Variants in TMPRSS5 observed in about 807,000 individuals in gnomAD.
TMPRSS5 encodes the protein transmembrane serine protease 5.
Under a neutral mutation model 59.7 loss-of-function variants are expected in TMPRSS5, and 45 were observed. That is an observed-to-expected ratio of 0.75 (90% CI 0.59 to 0.97). TMPRSS5 has a LOEUF of 0.97. Among genes scored for constraint, TMPRSS5 ranks in the 50% least tolerant of loss-of-function variants. The probability of loss-of-function intolerance (pLI) is 0.00; values close to 1 mark genes in which losing one functional copy is unlikely to be tolerated. For missense variants in TMPRSS5, 585 were observed against 596.7 expected (o/e 0.98, Z 0.20); for synonymous variants, 225 against 232.0 (o/e 0.97, Z 0.27).
chr11:113,689,936 GA>G lies in TMPRSS5; in HGVS notation c.1207-20del, dbSNP rs768466928. ...TATCTCCCTAAGGGATCCAGGCATGGAGACACAGAGAAACAGCCAGTTAGTT... is the reference window on the plus strand; with the variant it reads ...TATCTCCCTAAGGGATCCAGGCATGGGACACAGAGAAACAGCCAGTTAGTT... On this transcript the variant is annotated intron_variant, in intron 11 of 12. Coordinates refer to ENST00000299882, the MANE Select transcript of TMPRSS5 (RefSeq NM_030770.4). The G allele has an allele frequency of 6.6e-7, 1 of 1,524,718 alleles. No homozygotes were observed. The highest frequency in any genetic ancestry group is 8.8e-7 in the Non-Finnish European group (1 of 1,131,780). 94.4% of individuals were successfully genotyped at this position (1,524,718 alleles called of 1,614,324 possible).
At chr11:113,703,639 C>T (rs1279584827) in intron 1 of TMPRSS5, among the ~76,000 whole-genome samples, 2 of 152,184 alleles carry the variant, frequency 1.3e-5, no homozygotes, top group Admixed American at 1.3e-4. Flanking sequence ...TTGTAATTAC[C>T]ACGCACTGGG....
At chr11:113,688,306 G>A (rs1287892966) in intron 12 of TMPRSS5, 32 bp from the exon 13 acceptor site, 2 of 1,489,164 alleles carry the variant, frequency 1.3e-6, no homozygotes, top group Non-Finnish European at 9.2e-7. Flanking sequence ...CTGATTCACA[G>A]CATGGCTCTA....
intron 1 of TMPRSS5, among the ~76,000 whole-genome samples, chr11:113,703,037 G>A (rs552835173): frequency 2.0e-3 from 310 of 152,342 alleles, no homozygotes; most frequent in African/African-American, 7.1e-3. Flanking sequence ...GCCTAGTGGA[G>A]CTGTGAAAAG....
intron 6 of TMPRSS5, among the ~76,000 whole-genome samples, chr11:113,695,879 C>T (rs994445902): frequency 6.6e-6 from 1 of 152,152 alleles, no homozygotes; most frequent in African/African-American, 2.4e-5. Flanking sequence ...CCACCCTGGT[C>T]CCTCTGCCTG....
intron 2 of TMPRSS5, 24 bp downstream of exon 2, chr11:113,700,041 TC>T (rs536187909): frequency 6.4e-7 from 1 of 1,553,814 alleles, no homozygotes; most frequent in Non-Finnish European, 8.7e-7. Context: ...ACCCTGTCAT[TC>T]CCCTATGGCC....
chr11:113,690,180 T>TCCCC, intron 11 of TMPRSS5, 51 bp downstream of exon 11: 1 of 187,988 alleles, frequency 5.3e-6, no homozygotes, highest in Non-Finnish European at 8.9e-6. Flanking sequence ...CCCCCTGCCC[T>TCCCC]CCCACCCCCA....
chr11:113,703,265 G>C (rs747861304), intron 1 of TMPRSS5, among the ~76,000 whole-genome samples: 4 of 152,240 alleles, frequency 2.6e-5, no homozygotes, highest in Non-Finnish European at 5.9e-5. Flanking sequence ...GAACTTTAAG[G>C]TTTAACGACT....
At chr11:113,692,174 C>T (rs11214705) in intron 9 of TMPRSS5, among the ~76,000 whole-genome samples, 5 of 151,984 alleles carry the variant, frequency 3.3e-5, no homozygotes, top group Non-Finnish European at 5.9e-5. Context: ...AGGCGTGAGC[C>T]GCCATGCCCA....
intron 9 of TMPRSS5, among the ~76,000 whole-genome samples, chr11:113,691,793 C>T (rs969795184): frequency 6.7e-6 from 1 of 150,332 alleles, no homozygotes; most frequent in Admixed American, 6.6e-5. Context: ...ACAGTAGATA[C>T]TCATGTAGTA....
chr11:113,697,202 C>T (rs951046517), intron 5 of TMPRSS5, 81 bp downstream of exon 5: 14 of 1,529,198 alleles, frequency 9.2e-6, no homozygotes, highest in African/African-American at 6.9e-5. Context: ...TGACCAGTGA[C>T]GGGCAGGTAG....
intron 4 of TMPRSS5, 60 bp downstream of exon 4, chr11:113,698,845 C>G: frequency 2.6e-6 from 4 of 1,551,922 alleles, no homozygotes; most frequent in Non-Finnish European, 3.5e-6. Flanking sequence ...TTCTCTTGCC[C>G]TCAGCTGTGA....
At chr11:113,693,018 C>CCCCCACAAAA in intron 9 of TMPRSS5, 53 bp downstream of exon 9, 4 of 1,394,738 alleles carry the variant, frequency 2.9e-6, no homozygotes, top group East Asian at 2.6e-5. Flanking sequence ...ACCCAGCCCC[C>CCCCCACAAAA]GCCCTCTCTC....
intron 2 of TMPRSS5, 151 bp downstream of exon 2, chr11:113,699,914 TG>T: frequency 2.0e-6 from 3 of 1,513,994 alleles, no homozygotes; most frequent in Non-Finnish European, 2.7e-6. Flanking sequence ...AAGTGGGAAA[TG>T]GGGAGCAGAA....
intron 7 of TMPRSS5, 136 bp downstream of exon 7, chr11:113,695,264 G>A (rs934017060): frequency 1.2e-6 from 1 of 865,698 alleles, no homozygotes; most frequent in African/African-American, 1.7e-5. Context: ...AAGGGGCCTG[G>A]CAGGCAGATG....
At chr11:113,693,471 G>C in intron 8 of TMPRSS5, 1 of 441,258 alleles carries the variant, frequency 2.3e-6, no homozygotes, top group South Asian at 5.0e-5. Flanking sequence ...CAGGACTGAT[G>C]GATAGAGAAG....
At position 113,700,070 on chromosome 11, in the gene TMPRSS5, A is replaced by T; in HGVS notation, c.102T>A (p.His34Gln). The change falls in exon 2 of 13, where the codon CAT becomes CAA. Residue 34 changes from histidine (H) to glutamine (Q), a missense_variant. By Grantham distance (24) the His-to-Gln change is conservative (BLOSUM62 0). Coordinates refer to ENST00000299882, the MANE Select transcript of TMPRSS5 (RefSeq NM_030770.4). ...CTATGGCCCAGTCTGGCCTACTGGG[A>T]TGCTGCTGGTCTCCAGGCTCTGCTC... ...IFRAEPGDQQ[H>Q]PISQAVCWRS... is the part of the protein sequence containing the mutation. The T allele has an allele frequency of 6.4e-7, 1 of 1,564,048 alleles. No homozygotes were observed. Among genetic ancestry groups the T allele is most frequent in the South Asian group, 1.2e-5 (1 of 84,266 alleles).
intron 1 of TMPRSS5, among the ~76,000 whole-genome samples, chr11:113,703,651 G>A: frequency 6.6e-6 from 1 of 152,224 alleles, no homozygotes; most frequent in Non-Finnish European, 1.5e-5. Context: ...CGCACTGGGG[G>A]AGGGACCTCA....
At chr11:113,692,538 C>T (rs1445193520) in intron 9 of TMPRSS5, among the ~76,000 whole-genome samples, 3 of 152,076 alleles carry the variant, frequency 2.0e-5, no homozygotes, top group Admixed American at 6.6e-5. Context: ...CCTGGGCTCA[C>T]GGGCAGGTGC....
Position 113,699,207 on chromosome 11 carries a change from GTCTGTCTCTCTC to G in TMPRSS5, c.206-192_206-181del, listed in dbSNP as rs1565263283. Among the ~76,000 whole-genome samples the G allele has an allele frequency of 8.8e-3, 410 of 46,354 alleles. 62 individuals carry two copies. Among genetic ancestry groups the G allele is most frequent in the Admixed American group, 0.016 (76 of 4,636 alleles). The allele number at this position is 46,354 out of a possible 152,430, so 30.4% of individuals were successfully genotyped here. A position where few individuals can be genotyped will look rare whatever the true frequency, so the allele number is the denominator to read the frequency against. On this transcript the variant is annotated intron_variant, in intron 3 of 12. Coordinates refer to ENST00000299882, the MANE Select transcript of TMPRSS5 (RefSeq NM_030770.4). ...CTGCCTCTTTGACTCTCCTTTGTCT[GTCTGTCTCTCTC>G]TCTCTCTCTCTCTCTCTCTCTCTCT... is the stretch of plus-strand genomic sequence containing the variant.
Sources: allele counts gnomAD v4.1 joint callset (sites outside exome capture counted in the v4.1 genomes callset), GRCh38; gene constraint gnomAD v4.1.1; transcripts MANE v1.5; gene names NCBI Gene and HGNC (gene_info 2026-07-23, HGNC 2026-07-21).